The following NPAS3 variants were observed in gnomAD, a reference collection of about 807,000 sequenced individuals.
NPAS3 encodes neuronal PAS domain protein 3.
In NPAS3, 14 loss-of-function variants were observed where a neutral mutation model predicts 73.1. The observed-to-expected ratio is 0.19, with a 90% CI of 0.13 to 0.30. The LOEUF is 0.30. NPAS3 is among the 10% of genes least tolerant of loss of function. The pLI, the probability that NPAS3 is intolerant of heterozygous loss-of-function variation, is 1.00. For missense variants in NPAS3, 1,096 were observed against 1,250.0 expected, an observed-to-expected ratio of 0.88 and a Z score of 1.86; for synonymous variants, 620 against 541.5, an observed-to-expected ratio of 1.14 and a Z score of -2.01.
At chr14:33,111,481 A>G (rs2138965719) in intron 2 of NPAS3, among the ~76,000 whole-genome samples, 1 of 152,300 alleles carries the variant, frequency 6.6e-6, no homozygotes, top group East Asian at 1.9e-4. Context: ...TTCACAAAGC[A>G]AACCAACTCA....
At chr14:33,756,609 C>T (rs1320778617) in intron 7 of NPAS3, among the ~76,000 whole-genome samples, 2 of 152,124 alleles carry the variant, frequency 1.3e-5, no homozygotes, top group Non-Finnish European at 2.9e-5. Context: ...TCCTTATTTA[C>T]AGAAAGGAGA....
intron 4 of NPAS3, among the ~76,000 whole-genome samples, chr14:33,468,002 T>G (rs1429161222): frequency 6.6e-6 from 1 of 152,138 alleles, no homozygotes; most frequent in East Asian, 1.9e-4. Context: ...ACTAGAACTG[T>G]GGGAACAGTG....
At chr14:33,673,301 C>A (rs941932334) in intron 5 of NPAS3, among the ~76,000 whole-genome samples, 1 of 152,178 alleles carries the variant, frequency 6.6e-6, no homozygotes, top group South Asian at 2.1e-4. Context: ...TTGGCCTTTT[C>A]CAGTATTCAG....
At chr14:33,445,855 CCTT>C (rs552154635) in intron 4 of NPAS3, among the ~76,000 whole-genome samples, 430 of 152,160 alleles carry the variant, frequency 2.8e-3, no homozygotes, top group Non-Finnish European at 4.8e-3. Flanking sequence ...GACCCACCAA[CCTT>C]CTTTCTCTGG....
intron 2 of NPAS3, chr14:33,214,368 C>T (rs2047143537): frequency 6.6e-6 from 1 of 152,106 alleles, no homozygotes; most frequent in African/African-American, 2.4e-5. Context: ...CCACCTGTTG[C>T]CTCTTCTGGG....
chr14:33,584,209 C>T (rs868397521), intron 5 of NPAS3, among the ~76,000 whole-genome samples: 71 of 152,156 alleles, frequency 4.7e-4, no homozygotes, highest in Middle Eastern at 3.4e-3. Flanking sequence ...ACATATATTA[C>T]TATAAGATGT....
intron 6 of NPAS3, among the ~76,000 whole-genome samples, chr14:33,724,545 A>G (rs1300615464): frequency 1.3e-5 from 2 of 152,110 alleles, no homozygotes; most frequent in African/African-American, 4.8e-5. Flanking sequence ...GAAGCAGAGG[A>G]TCACCTGAAC....
chr14:33,548,982 T>A (rs17101514), intron 4 of NPAS3, among the ~76,000 whole-genome samples: 4,573 of 152,306 alleles, frequency 0.03, 173 homozygotes, highest in African/African-American at 0.09. Context: ...CCAACAAATG[T>A]TTCATCCCCA....
intron 9 of NPAS3, among the ~76,000 whole-genome samples, chr14:33,785,785 C>T (rs913093035): frequency 1.3e-5 from 2 of 152,062 alleles, no homozygotes; most frequent in Admixed American, 6.5e-5. Flanking sequence ...TGGGGCATAT[C>T]GACTAGAATG....
intron 6 of NPAS3, among the ~76,000 whole-genome samples, chr14:33,701,466 G>T (rs2060521280): frequency 6.6e-6 from 1 of 152,168 alleles, no homozygotes; most frequent in African/African-American, 2.4e-5. Context: ...AAAGGGATTT[G>T]CTCAAATTCT....
chr14:33,093,262 C>G (rs2042290216), intron 2 of NPAS3, among the ~76,000 whole-genome samples: 1 of 152,034 alleles, frequency 6.6e-6, no homozygotes, highest in Non-Finnish European at 1.5e-5. Flanking sequence ...AGAACTCAAA[C>G]AAATTTACAA....
intron 2 of NPAS3, among the ~76,000 whole-genome samples, chr14:33,157,516 G>A (rs28568949): frequency 0.041 from 6,290 of 152,258 alleles, 205 homozygotes; most frequent in African/African-American, 0.092. Flanking sequence ...TTGTCTAGTG[G>A]TGAGGTATAA....
intron 3 of NPAS3, among the ~76,000 whole-genome samples, chr14:33,276,137 A>G (rs927612500): frequency 1.3e-5 from 2 of 152,142 alleles, no homozygotes; most frequent in Non-Finnish European, 2.9e-5. Flanking sequence ...ATCTTCGGTT[A>G]TGTTAGTCAT....
chr14:33,211,520 C>T (rs896710634), intron 2 of NPAS3, among the ~76,000 whole-genome samples: 20 of 152,152 alleles, frequency 1.3e-4, no homozygotes, highest in African/African-American at 4.6e-4. Context: ...AACCATTGCA[C>T]TCCAACCTGG....
chr14:33,698,473 G>A (rs1392936400), intron 6 of NPAS3, among the ~76,000 whole-genome samples: 1 of 151,966 alleles, frequency 6.6e-6, no homozygotes, highest in African/African-American at 2.4e-5. Context: ...CTTTTGCCTC[G>A]CCAGCCCTCA....
At chr14:33,166,669 A>G (rs542494857) in intron 2 of NPAS3, among the ~76,000 whole-genome samples, 11 of 152,278 alleles carry the variant, frequency 7.2e-5, no homozygotes. Flanking sequence ...TGATAGACAT[A>G]TTGCCTTCAT....
intron 5 of NPAS3, among the ~76,000 whole-genome samples, chr14:33,609,547 AAAG>A (rs2057686420): frequency 6.6e-6 from 1 of 152,022 alleles, no homozygotes; most frequent in South Asian, 2.1e-4. Flanking sequence ...CTCAAAAAAA[AAAG>A]GACGTGAACT....
chr14:33,254,183 G>A (rs1429695057), intron 3 of NPAS3, among the ~76,000 whole-genome samples: 2 of 152,026 alleles, frequency 1.3e-5, no homozygotes, highest in African/African-American at 4.8e-5. Flanking sequence ...TTTCCATGTA[G>A]CAGCTTCCAT....
At chr14:33,545,554 G>A (rs2054804588) in intron 4 of NPAS3, among the ~76,000 whole-genome samples, 1 of 152,150 alleles carries the variant, frequency 6.6e-6, no homozygotes, top group Non-Finnish European at 1.5e-5. Flanking sequence ...TGAGTTCAAA[G>A]CTCGTGTGTC....
Sources: gnomAD v4.1 joint callset for allele counts (sites outside exome capture counted in the v4.1 genomes callset) on GRCh38, gnomAD v4.1.1 for gene constraint, MANE v1.5 for transcripts, NCBI Gene and HGNC (gene_info 2026-07-23, HGNC 2026-07-21) for gene names.